WDR49: variants seen among roughly 807,000 people sequenced by gnomAD.
WDR49 encodes cilia- and flagella-associated protein 337.
Under a neutral mutation model 119.5 loss-of-function variants are expected in WDR49, and 107 were observed. That is an observed-to-expected ratio of 0.90 (90% CI 0.77 to 1.05). The LOEUF (loss-of-function observed/expected upper bound fraction) is 1.05. Among genes scored for constraint, WDR49 ranks in the 50% least tolerant of loss-of-function variants. The probability of loss-of-function intolerance (pLI) is 0.00; values close to 1 mark genes in which losing one functional copy is unlikely to be tolerated. For synonymous variants in WDR49, 425 were observed against 418.8 expected (o/e 1.01, Z -0.18); for missense variants, 1,240 against 1,220.5 (o/e 1.02, Z -0.24).
intron 4 of WDR49, among the ~76,000 whole-genome samples, chr3:167,620,948 G>C (rs143408786): frequency 1.3e-5 from 2 of 151,980 alleles, no homozygotes; most frequent in Non-Finnish European, 2.9e-5. Flanking sequence ...TTCATAGTTC[G>C]GGTGAAATTT....
chr3:167,505,542 G>T, intron 16 of WDR49, 126 bp from the exon 17 acceptor site: 2 of 1,260,080 alleles, frequency 1.6e-6, no homozygotes, highest in Non-Finnish European at 1.0e-6. Context: ...CCTGTGAACC[G>T]AAGTAGTGAT....
intron 8 of WDR49, among the ~76,000 whole-genome samples, chr3:167,562,245 C>A (rs1481994787): frequency 1.3e-5 from 2 of 152,086 alleles, no homozygotes; most frequent in Non-Finnish European, 2.9e-5. Flanking sequence ...CTTCTTGCAG[C>A]AATGTGGAGA....
At chr3:167,599,987 G>A (rs192444291) in intron 7 of WDR49, among the ~76,000 whole-genome samples, 38 of 152,178 alleles carry the variant, frequency 2.5e-4, no homozygotes, top group Admixed American at 8.5e-4. Context: ...CTTTCCTTAA[G>A]GTAGCGGGTT....
At chr3:167,483,612 A>G (rs1288749489) in intron 18 of WDR49, among the ~76,000 whole-genome samples, 2 of 152,232 alleles carry the variant, frequency 1.3e-5, no homozygotes, top group African/African-American at 4.8e-5. Context: ...TAAAATTACA[A>G]ATATAAATTT....
intron 5 of WDR49, among the ~76,000 whole-genome samples, chr3:167,610,772 A>G (rs1026976589): frequency 2.0e-5 from 3 of 152,224 alleles, no homozygotes; most frequent in Admixed American, 6.5e-5. Flanking sequence ...CACCCAGCAC[A>G]GTCATAGTAG....
intron 10 of WDR49, among the ~76,000 whole-genome samples, chr3:167,541,406 C>G (rs1042544739): frequency 6.6e-6 from 1 of 152,116 alleles, no homozygotes; most frequent in African/African-American, 2.4e-5. Flanking sequence ...TTAGCCTCCT[C>G]AAACAAAGTA....
intron 7 of WDR49, among the ~76,000 whole-genome samples, chr3:167,594,101 C>G (rs1715285199): frequency 6.6e-6 from 1 of 152,026 alleles, no homozygotes; most frequent in African/African-American, 2.4e-5. Context: ...TGAGAACAAA[C>G]TAATACAGAA....
chr3:167,554,450 A>G (rs959342339), intron 10 of WDR49, among the ~76,000 whole-genome samples, 200 bp downstream of exon 10: 2 of 152,210 alleles, frequency 1.3e-5, no homozygotes, highest in Non-Finnish European at 2.9e-5. Context: ...TTCCAAAGCC[A>G]GAAGAAAACC....
intron 11 of WDR49, among the ~76,000 whole-genome samples, chr3:167,533,548 T>TG (rs1166635228): frequency 6.6e-6 from 1 of 152,106 alleles, no homozygotes. Flanking sequence ...TGTATGTGTG[T>TG]GGGTGGGTGT....
In WDR49 at chr3:167,493,233, C is replaced by A. The variant is rs187527163; in HGVS notation, c.3031+6920G>T. Among the ~76,000 whole-genome samples, 21 of 152,280 alleles carry A rather than the reference C, an allele frequency of 1.4e-4. No homozygotes were observed. In the East Asian group the frequency reaches 4.1e-3, roughly 29 times the overall value. ...GCAGTGATTTTTCCAACACCAGACT[C>A]CTGCAATGCAGGTAAGGCTTCTCCA... On this transcript the variant is annotated intron_variant, in intron 18 of 18. Transcript: ENST00000682715.
At chr3:167,572,802 G>A (rs1026419851) in intron 8 of WDR49, among the ~76,000 whole-genome samples, 1 of 152,186 alleles carries the variant, frequency 6.6e-6, no homozygotes, top group Non-Finnish European at 1.5e-5. Context: ...TGGCTCTGGA[G>A]ACTTCAGGGA....
chr3:167,618,710 G>A (rs1211302435), intron 5 of WDR49, among the ~76,000 whole-genome samples: 16 of 152,038 alleles, frequency 1.1e-4, no homozygotes, highest in Non-Finnish European at 2.9e-5. Flanking sequence ...CTGTGAAATC[G>A]GATTCCTTAG....
At chr3:167,566,058 T>C (rs1404254538) in intron 8 of WDR49, among the ~76,000 whole-genome samples, 1 of 152,176 alleles carries the variant, frequency 6.6e-6, no homozygotes, top group Non-Finnish European at 1.5e-5. Flanking sequence ...TCTGAAACTC[T>C]ACCAATTCTC....
intron 18 of WDR49, 126 bp from the exon 19 acceptor site, chr3:167,479,122 T>C: frequency 1.4e-6 from 1 of 716,186 alleles, no homozygotes. Context: ...AAACACAGAG[T>C]GTATTTGGAA....
chr3:167,638,735 T>C lies in WDR49; in HGVS notation c.166-11443A>G, dbSNP rs564278180. The stretch of plus-strand genomic sequence containing the variant: ...TAGCGCTCTTTTTTTCTTGCTTCAA[T>C]AGATTTTAGTAGAATTTAATTTTCA... On this transcript the variant is annotated intron_variant, in intron 2 of 18. Transcript: ENST00000682715. Among the ~76,000 whole-genome samples the C allele has an allele frequency of 2.0e-5, 3 of 151,746 alleles. No individual in the cohort carries two copies. In the South Asian group the frequency reaches 6.2e-4, roughly 31 times the overall value.
rs577085864 is a variant in WDR49, at chr3:167,582,440, A to C, written c.1276-6289T>G. On this transcript the variant is annotated intron_variant, in intron 7 of 18. Coordinates refer to ENST00000682715, the MANE Select transcript of WDR49 (RefSeq NM_001366157.1). ...AAACTTAAAATACTAGTTTGAAATTAAAATCTTCTCTTCTGCCGTTTATCT... is the reference window on the plus strand; with the variant it reads ...AAACTTAAAATACTAGTTTGAAATTCAAATCTTCTCTTCTGCCGTTTATCT... Among the ~76,000 whole-genome samples the C allele has an allele frequency of 6.2e-4, 94 of 152,296 alleles. 1 individual carries two copies. In the South Asian group the frequency reaches 0.019, roughly 31 times the overall value.
At position 167,619,545 on chromosome 3, in the gene WDR49, T is replaced by C. The variant is rs941048045; in HGVS notation, c.958+884A>G. Among the ~76,000 whole-genome samples the C allele has an allele frequency of 4.7e-4, 72 of 152,146 alleles. 1 individual carries two copies. The highest frequency in any genetic ancestry group is 5.3e-4 in the Non-Finnish European group (36 of 68,004). ...CTGTGGGCATACATTAAAGAATTAG[T>C]TTCAACCTTCTGAAACCCAAAGAGG... On this transcript the variant is annotated intron_variant, in intron 5 of 18. Transcript: ENST00000682715.
intron 18 of WDR49, among the ~76,000 whole-genome samples, chr3:167,488,154 AC>A (rs1750996304): frequency 9.7e-6 from 1 of 103,540 alleles, no homozygotes; most frequent in Admixed American, 8.2e-5. Flanking sequence ...AAACACACAC[AC>A]ACACACACAC....
intron 5 of WDR49, among the ~76,000 whole-genome samples, chr3:167,605,772 C>T (rs1014957805): frequency 6.6e-6 from 1 of 152,158 alleles, no homozygotes; most frequent in African/African-American, 2.4e-5. Flanking sequence ...AAGAGCTAAT[C>T]TACTTCTATA....
Sources: gnomAD v4.1 joint callset for allele counts (sites outside exome capture counted in the v4.1 genomes callset) on GRCh38, gnomAD v4.1.1 for gene constraint, MANE v1.5 for transcripts, NCBI Gene and HGNC (gene_info 2026-07-23, HGNC 2026-07-21) for gene names.